Variants in LONP2 observed in about 807,000 individuals in gnomAD.
LONP2 encodes lon peptidase 2, peroxisomal, also known as lon protease homolog 2, peroxisomal.
In LONP2, 60 loss-of-function variants were observed where a neutral mutation model predicts 85.6. The ratio of observed to expected loss-of-function variants is 0.70; its 90% CI spans 0.57 to 0.87. The LOEUF is 0.87. LONP2 is among the 40% of genes least tolerant of loss of function. The probability of loss-of-function intolerance (pLI) is 0.00; values close to 1 mark genes in which losing one functional copy is unlikely to be tolerated. For synonymous variants in LONP2, 395 were observed against 389.7 expected (o/e 1.01, Z -0.16); for missense variants, 860 against 1,063.5 (o/e 0.81, Z 2.66).
intron 11 of LONP2, among the ~76,000 whole-genome samples, chr16:48,310,953 A>T (rs779287156): frequency 6.6e-6 from 1 of 152,096 alleles, no homozygotes; most frequent in African/African-American, 2.4e-5. Flanking sequence ...GAGTTTGACC[A>T]TTTTCTTTAA....
intron 5 of LONP2, 118 bp downstream of exon 5, chr16:48,261,705 C>T (rs1358827301): frequency 1.1e-5 from 8 of 709,514 alleles, no homozygotes; most frequent in Middle Eastern, 6.8e-4. Context: ...CTTCCACCTG[C>T]AGTGTGCTGT....
intron 6 of LONP2, among the ~76,000 whole-genome samples, chr16:48,265,187 T>G (rs1456904913): frequency 6.6e-6 from 1 of 152,192 alleles, no homozygotes; most frequent in Non-Finnish European, 1.5e-5. Context: ...TTTGCTGAAC[T>G]TTTTTTATTC....
intron 1 of LONP2, among the ~76,000 whole-genome samples, chr16:48,248,177 A>G (rs1363038666): frequency 6.6e-6 from 1 of 151,966 alleles, no homozygotes; most frequent in Non-Finnish European, 1.5e-5. Context: ...ATGCTGGTGC[A>G]GTGGTGCCAT....
At chr16:48,273,215 C>T (rs1972141823) in intron 7 of LONP2, among the ~76,000 whole-genome samples, 1 of 152,134 alleles carries the variant, frequency 6.6e-6, no homozygotes, top group African/African-American at 2.4e-5. Flanking sequence ...CTTATCCTCT[C>T]GATTTTGCCA....
At chr16:48,254,364 ATTT>A (rs141945767) in intron 2 of LONP2, among the ~76,000 whole-genome samples, 1 of 138,762 alleles carries the variant, frequency 7.2e-6, no homozygotes. Flanking sequence ...TCCATCTCTG[ATTT>A]TTTTTTTTTT....
chr16:48,302,484 G>A (rs1972826915), intron 10 of LONP2, among the ~76,000 whole-genome samples: 1 of 152,180 alleles, frequency 6.6e-6, no homozygotes, highest in South Asian at 2.1e-4. Context: ...AAGCTGAGTG[G>A]CCAAAAGTGG....
At chr16:48,247,102 T>C (rs1971432223) in intron 1 of LONP2, among the ~76,000 whole-genome samples, 1 of 152,310 alleles carries the variant, frequency 6.6e-6, no homozygotes, top group African/African-American at 2.4e-5. Context: ...CATCTAGTTA[T>C]CCTAGAAGTA....
intron 6 of LONP2, among the ~76,000 whole-genome samples, chr16:48,267,580 C>T (rs557511991): frequency 1.3e-5 from 2 of 151,350 alleles, no homozygotes; most frequent in Non-Finnish European, 2.9e-5. Flanking sequence ...GATTACAGAC[C>T]TGAGCCACTG....
intron 8 of LONP2, among the ~76,000 whole-genome samples, chr16:48,279,257 T>C (rs1454624180): frequency 1.3e-5 from 2 of 152,204 alleles, no homozygotes; most frequent in African/African-American, 2.4e-5. Context: ...TTATATTTAA[T>C]AGTAAGGGAC....
At position 48,351,741 on chromosome 16, in the gene LONP2, CA is replaced by C; in HGVS notation, c.2499del (p.Ala834LeufsTer15). 3 of 1,614,164 alleles carry C rather than the reference CA, an allele frequency of 1.9e-6. No individual in the cohort carries two copies. The highest frequency in any genetic ancestry group is 2.5e-6 in the Non-Finnish European group (3 of 1,180,032). On this transcript the variant is annotated frameshift_variant, in exon 15 of 15. Transcript: ENST00000285737. LOFTEE classifies it high-confidence loss of function. ...TASCLDEVLN[A>X]AFDGGFTVKT... ...AGCTGCCTGGATGAGGTTCTTAATG[CA>C]GCTTTTGATGGTGGCTTTACTGTCA...
chr16:48,252,546 A>G (rs57330554), intron 2 of LONP2, among the ~76,000 whole-genome samples, 181 bp downstream of exon 2: 2,233 of 152,294 alleles, frequency 0.015, 66 homozygotes, highest in African/African-American at 0.052. Context: ...ATTCCAGGAC[A>G]TATTGGCCTA....
At chr16:48,361,214 AAC>A, downstream of LONP2, 1 of 220,916 alleles carries the variant, frequency 4.5e-6, no homozygotes, top group Non-Finnish European at 9.2e-6. Flanking sequence ...AAAAAACCCA[AAC>A]ACGCACACAC....
intron 8 of LONP2, among the ~76,000 whole-genome samples, chr16:48,293,731 A>G (rs9929780): frequency 3.3e-3 from 495 of 152,246 alleles, no homozygotes; most frequent in African/African-American, 0.011. Flanking sequence ...GGTATGGGTC[A>G]TTTTTGCTAA....
intron 2 of LONP2, among the ~76,000 whole-genome samples, chr16:48,254,909 T>A (rs575298724): frequency 4.6e-5 from 7 of 152,324 alleles, no homozygotes; most frequent in Non-Finnish European, 8.8e-5. Flanking sequence ...GTGGGGTGAA[T>A]TCCTAGTAGC....
intron 11 of LONP2, among the ~76,000 whole-genome samples, chr16:48,322,356 T>C (rs1973283308): frequency 6.6e-6 from 1 of 152,196 alleles, no homozygotes; most frequent in Non-Finnish European, 1.5e-5. Flanking sequence ...TTAAACTTCT[T>C]TGTTAAAAGC....
downstream of LONP2, chr16:48,360,989 A>G (rs375249454): frequency 6.6e-6 from 1 of 152,278 alleles, no homozygotes; most frequent in Non-Finnish European, 1.5e-5. Flanking sequence ...TTTTTACCAT[A>G]AACAAATATG....
At chr16:48,244,733 G>A in intron 1 of LONP2, 112 bp downstream of exon 1, 1 of 728,186 alleles carries the variant, frequency 1.4e-6, no homozygotes, top group Non-Finnish European at 2.0e-6. Flanking sequence ...CGGCCTTCGC[G>A]GCTCGGTTCC....
downstream of LONP2, chr16:48,360,677 A>G (rs951370227): frequency 6.5e-6 from 1 of 152,678 alleles, no homozygotes; most frequent in Non-Finnish European, 1.5e-5. Flanking sequence ...CAATAAATAC[A>G]AGAACAAATT....
At chr16:48,249,354 T>C (rs1425078367) in intron 1 of LONP2, among the ~76,000 whole-genome samples, 1 of 152,176 alleles carries the variant, frequency 6.6e-6, no homozygotes, top group Non-Finnish European at 1.5e-5. Flanking sequence ...GCACATACAA[T>C]AGAAGAGCCA....
Sources: allele counts gnomAD v4.1 joint callset (sites outside exome capture counted in the v4.1 genomes callset), GRCh38; gene constraint gnomAD v4.1.1; transcripts MANE v1.5; gene names NCBI Gene and HGNC (gene_info 2026-07-23, HGNC 2026-07-21).